The following DENND1C variants were observed in gnomAD, a reference collection of about 807,000 sequenced individuals.
DENND1C encodes DENN domain-containing protein 1C.
In DENND1C, 64 loss-of-function variants were observed where a neutral mutation model predicts 87.9. The ratio of observed to expected loss-of-function variants is 0.73; its 90% CI spans 0.60 to 0.90. The LOEUF (loss-of-function observed/expected upper bound fraction) is 0.90, where lower values mean the gene tolerates loss of function less well. DENND1C is among the 40% of genes least tolerant of loss of function. The pLI is 0.00. For missense variants in DENND1C, 980 were observed against 1,037.0 expected (o/e 0.95, Z 0.76); for synonymous variants, 384 against 424.4 (o/e 0.90, Z 1.17).
intron 15 of DENND1C, among the ~76,000 whole-genome samples, chr19:6,472,132 C>A (rs2092832697): frequency 6.6e-6 from 1 of 152,168 alleles, no homozygotes; most frequent in Admixed American, 6.5e-5. Context: ...GTGGTCCAAG[C>A]TACCTTCTCC....
Position 6,481,754 on chromosome 19 carries a change from A to G in DENND1C, c.-59T>C. ...CCCCAGGGGTCCTGGGGGCCTGTGT[A>G]TGCTGGGCCCCAAGCCGGCTCAGCT... is the stretch of plus-strand genomic sequence containing the variant. On this transcript the variant is annotated 5_prime_UTR_variant, in exon 1 of 23. Coordinates refer to ENST00000381480, the MANE Select transcript of DENND1C (RefSeq NM_024898.4). The G allele has an allele frequency of 6.7e-7, 1 of 1,488,342 alleles. No individual in the cohort carries two copies. The highest frequency in any genetic ancestry group is 1.4e-5 in the South Asian group (1 of 73,728). The allele number at this position is 1,488,342 out of a possible 1,614,324, so 92.2% of individuals were successfully genotyped here.
rs202155397 is a variant in DENND1C, at chr19:6,467,955, G to A, written c.1955C>T (p.Thr652Met). The change falls in exon 23 of 23, where the codon ACG becomes ATG. Residue 652 changes from threonine to methionine, a missense_variant. Thr to Met is a moderately conservative substitution (Grantham distance 81, BLOSUM62 -1). Coordinates refer to ENST00000381480, the MANE Select transcript of DENND1C (RefSeq NM_024898.4). ...AGCTGTTGAGGACTGGGATGGAGAC[G>A]TGACTTCTTGGTCGGACTCTGAGGG... ...LIPSESDQEVTSPSQSSTASA... is the reference protein window; with the variant it reads ...LIPSESDQEVMSPSQSSTASA... 1,891 of 1,613,870 alleles carry A rather than the reference G, an allele frequency of 1.2e-3. 1 individual carries two copies. Among genetic ancestry groups the A allele is most frequent in the Non-Finnish European group, 1.5e-3 (1,733 of 1,179,840 alleles).
In DENND1C at chr19:6,477,262, T is replaced by G; in HGVS notation, c.469A>C (p.Ser157Arg). 1 of 1,586,140 alleles carries G rather than the reference T, an allele frequency of 6.3e-7. No individual in the cohort carries two copies. Among genetic ancestry groups the G allele is most frequent in the Non-Finnish European group, 8.6e-7 (1 of 1,163,726 alleles). The change falls in exon 8 of 23, where the codon AGC becomes CGC. Residue 157 changes from serine (S) to arginine (R), a missense_variant. Coordinates refer to ENST00000381480, the MANE Select transcript of DENND1C (RefSeq NM_024898.4). ...LELGSGVTVSSGQGIPPPTRG... is the reference protein window; with the variant it reads ...LELGSGVTVSRGQGIPPPTRG... ...GTAGGGGGGGGGATACCCTGCCCGC[T>G]GGAGACCGTCACTCCGCTGCCCTGG...
rs911644570 is a variant in DENND1C at position 6,480,130 on chromosome 19, T to C, written c.18-79A>G. The C allele has an allele frequency of 6.5e-6, 10 of 1,545,778 alleles. No homozygotes were observed. The African/African-American group carries it at 1.4e-4, about 21-fold the overall frequency. ...TCTGCCACTTTGCACACAAGTGTGG[T>C]TGTGTGTGCATGTGCCACAAGGTGC... is the stretch of plus-strand genomic sequence containing the variant. On this transcript the variant is annotated intron_variant, in intron 1 of 22. Transcript: ENST00000381480.
rs2092802213 is a variant in DENND1C at position 6,467,584 on chromosome 19, T to A, written c.2326A>T (p.Thr776Ser). 2 of 1,601,120 alleles carry A rather than the reference T, an allele frequency of 1.2e-6. No homozygotes were observed. Among genetic ancestry groups the A allele is most frequent in the Non-Finnish European group, 1.7e-6 (2 of 1,175,510 alleles). The change falls in exon 23 of 23, where the codon ACA (threonine) becomes TCA (serine). Residue 776 changes from threonine to serine, a missense_variant. By Grantham distance (58) the Thr-to-Ser change is moderately conservative. Transcript: ENST00000381480. ...GACTTTTGACAGTTGCTGGTGGGTG[T>A]AGCAGGGGAATTCAGGGCTCCTGGT... ...EEPGALNSPA[T>S]PTSNCQKSQP...
In DENND1C at chr19:6,475,720, C is replaced by T. The variant is rs1168006950; in HGVS notation, c.811G>A (p.Ala271Thr). The T allele has an allele frequency of 6.3e-7, 1 of 1,584,016 alleles. No individual in the cohort carries two copies. Among genetic ancestry groups the T allele is most frequent in the East Asian group, 2.3e-5 (1 of 43,378 alleles). ...APMPYLIGVH[A>T]SLAERVREKA... ...TCCACGCTCACCTCGGCGAGACTGG[C>T]GTGCACTCCAATGAGGTAGGGCATG... Residue 271 changes from alanine (A) to threonine (T), a missense_variant, in exon 12 of 23, where the codon GCC (alanine) becomes ACC (threonine). Coordinates refer to ENST00000381480, the MANE Select transcript of DENND1C (RefSeq NM_024898.4).
At chr19:6,476,240 A>C in intron 10 of DENND1C, 1 of 368,416 alleles carries the variant, frequency 2.7e-6, no homozygotes, top group Non-Finnish European at 4.9e-6. Flanking sequence ...GCCTCCACTG[A>C]CTCCACCCCG....
At position 6,477,457 on chromosome 19, in the gene DENND1C, A is replaced by G; in HGVS notation, c.368T>C (p.Val123Ala). Residue 123 changes from valine to alanine, a missense_variant and splice_region_variant, in exon 7 of 23, where the codon GTC becomes GCC. Physicochemically the swap from Val to Ala is moderately conservative, Grantham distance 64 (BLOSUM62 0). Transcript: ENST00000381480. Reference protein sequence around the residue: ...TVGDLLAQDQVTEAEELLQNL... With the variant: ...TVGDLLAQDQATEAEELLQNL... ...TTGAAGAAGTTCCTCTGCCTCGGTGACCTGGGTGGGACGTGGAGGGGCGGG... is the reference window on the plus strand; with the variant it reads ...TTGAAGAAGTTCCTCTGCCTCGGTGGCCTGGGTGGGACGTGGAGGGGCGGG... 6.3e-7 allele frequency: 1 copy of G among 1,586,028 alleles called. No individual in the cohort carries two copies. Among genetic ancestry groups the G allele is most frequent in the South Asian group, 1.1e-5 (1 of 90,464 alleles).
chr19:6,479,392 ATCCTTGTGTCCCTGAG>A (rs1385101222), intron 4 of DENND1C, among the ~76,000 whole-genome samples: 16 of 132,080 alleles, frequency 1.2e-4, no homozygotes, highest in Middle Eastern at 3.6e-3. Flanking sequence ...AAGTCCCTGA[ATCCTTGTGTCCCTGAG>A]TCCTTGAGTC....
chr19:6,467,881 C>T lies in DENND1C; in HGVS notation c.2029G>A (p.Glu677Lys). The T allele has an allele frequency of 1.2e-6, 2 of 1,610,552 alleles. No homozygotes were observed. Among genetic ancestry groups the T allele is most frequent in the Non-Finnish European group, 1.7e-6 (2 of 1,178,366 alleles). Residue 677 changes from glutamate (E) to lysine (K), a missense_variant, in exon 23 of 23, where the codon GAG becomes AAG. Transcript: ENST00000381480. ...GGGGTGAGATGAAGAATTAGGGGCT[C>T]TGTGAGAGGAGAGGGTTTGGGGTCC... Reference protein sequence around the residue: ...WGDPKPSPLTEPLILHLTPSH... With the variant: ...WGDPKPSPLTKPLILHLTPSH...
intron 14 of DENND1C, among the ~76,000 whole-genome samples, chr19:6,473,455 GGTTT>G (rs796102738): frequency 3.2e-4 from 44 of 135,586 alleles, no homozygotes; most frequent in African/African-American, 1.2e-3. Flanking sequence ...GCCCAGCCCT[GGTTT>G]TTTTTTTTTT....
Position 6,481,763 on chromosome 19 carries a change from C to T in DENND1C, c.-68G>A. 1.4e-6 allele frequency: 2 copies of T among 1,465,132 alleles called. No homozygotes were observed. The highest frequency in any genetic ancestry group is 2.7e-5 in the East Asian group (1 of 37,426). 90.8% of individuals were successfully genotyped at this position (1,465,132 alleles called of 1,614,324 possible). On this transcript the variant is annotated 5_prime_UTR_variant, in exon 1 of 23. Transcript: ENST00000381480. ...TCCTGGGGGCCTGTGTATGCTGGGC[C>T]CCAAGCCGGCTCAGCTTCCTGTGTG...
intron 1 of DENND1C, 111 bp downstream of exon 1, chr19:6,481,567 TG>T (rs1392155671): frequency 2.7e-6 from 4 of 1,495,060 alleles, no homozygotes; most frequent in Non-Finnish European, 1.8e-6. Context: ...CCACCTGCCC[TG>T]GCAGGTCACT....
chr19:6,472,235 C>T (rs1324706550), intron 15 of DENND1C, among the ~76,000 whole-genome samples: 3 of 146,034 alleles, frequency 2.1e-5, no homozygotes, highest in African/African-American at 7.6e-5. Flanking sequence ...AGTCAGGACC[C>T]ATCCCCTCTG....
chr19:6,468,223 G>A lies in DENND1C; in HGVS notation c.1791+11C>T, dbSNP rs1232599972. On this transcript the variant is annotated intron_variant, in intron 22 of 22. Coordinates refer to ENST00000381480, the MANE Select transcript of DENND1C (RefSeq NM_024898.4). ...TTGGGGTAGGGTTGGGGGAGTGGGC[G>A]AGGCTCTCACCAGGCTGAAGCAGCT... 5 of 1,612,978 alleles carry A rather than the reference G, an allele frequency of 3.1e-6. No homozygotes were observed. The highest frequency in any genetic ancestry group is 4.2e-6 in the Non-Finnish European group (5 of 1,179,404).
At position 6,479,192 on chromosome 19, in the gene DENND1C, G is replaced by C. The variant is rs1171342023; in HGVS notation, c.177-136C>G. 4 of 1,278,360 alleles carry C rather than the reference G, an allele frequency of 3.1e-6. No individual in the cohort carries two copies. In the Admixed American group the frequency reaches 1.1e-4, roughly 35 times the overall value. 79.2% of individuals were successfully genotyped at this position (1,278,360 alleles called of 1,614,324 possible). ...GGATCCCTGAATGTCTGGATCCCTG[G>C]GTCTCAGAATCCCTGGGTCCCTGAA... is the stretch of plus-strand genomic sequence containing the variant. On this transcript the variant is annotated intron_variant, in intron 4 of 22. Transcript: ENST00000381480.
At chr19:6,474,086 T>A (rs2145194172) in intron 14 of DENND1C, among the ~76,000 whole-genome samples, 1 of 151,854 alleles carries the variant, frequency 6.6e-6, no homozygotes, top group South Asian at 2.1e-4. Flanking sequence ...TCCCAGCTAT[T>A]CAGGAGGCTG....
chr19:6,480,413 T>C, intron 1 of DENND1C: 1 of 1,139,480 alleles, frequency 8.8e-7, no homozygotes. Context: ...TGCACAGATA[T>C]GAAGGACAGC....
In DENND1C at chr19:6,479,986, C is replaced by A. The variant is rs1283458306; in HGVS notation, c.82+1G>T. The A allele has an allele frequency of 1.9e-5, 30 of 1,598,186 alleles. No homozygotes were observed. The highest frequency in any genetic ancestry group is 2.6e-5 in the Non-Finnish European group (30 of 1,172,136). ...CCCTCACTCCCAGGCTCCCAACTCA[C>A]CCTCCTGCAGGGAGGCAGGGCAGGC... On this transcript the variant is annotated splice_donor_variant, in intron 2 of 22. Coordinates refer to ENST00000381480, the MANE Select transcript of DENND1C (RefSeq NM_024898.4). LOFTEE classifies it high-confidence loss of function.
Sources: allele counts gnomAD v4.1 joint callset (sites outside exome capture counted in the v4.1 genomes callset), GRCh38; gene constraint gnomAD v4.1.1; transcripts MANE v1.5; gene names NCBI Gene and HGNC (gene_info 2026-07-23, HGNC 2026-07-21).